The following FRAS1 variants were observed in gnomAD, a reference collection of about 807,000 sequenced individuals.
FRAS1 encodes the protein extracellular matrix organizing protein FRAS1.
FRAS1 carries 290 observed loss-of-function variants against 435.2 expected under a neutral mutation model. That is an observed-to-expected ratio of 0.67 (90% confidence interval 0.61 to 0.73). The LOEUF (loss-of-function observed/expected upper bound fraction) is 0.73, where lower values mean the gene tolerates loss of function less well. FRAS1 is among the 30% of genes least tolerant of loss of function. FRAS1 has a pLI of 0.00. For synonymous variants in FRAS1, 1,800 were observed against 1,851.0 expected, an observed-to-expected ratio of 0.97 and a Z score of 0.71; for missense variants, 4,860 against 5,001.5, an observed-to-expected ratio of 0.97 and a Z score of 0.85.
chr4:78,414,134 C>T (rs1052963831), intron 32 of FRAS1, among the ~76,000 whole-genome samples: 13 of 152,300 alleles, frequency 8.5e-5, no homozygotes, highest in Admixed American at 6.5e-4. Context: ...TAGCTGGTAT[C>T]GGCATTTCCA....
At chr4:78,439,462 C>T (rs1357892216) in intron 40 of FRAS1, among the ~76,000 whole-genome samples, 2 of 152,142 alleles carry the variant, frequency 1.3e-5, no homozygotes, top group Admixed American at 6.5e-5. Flanking sequence ...ACAATATTGA[C>T]GGTTCCTTTG....
chr4:78,309,539 C>T (rs990665366), intron 15 of FRAS1, among the ~76,000 whole-genome samples: 1 of 152,200 alleles, frequency 6.6e-6, no homozygotes, highest in Non-Finnish European at 1.5e-5. Context: ...TGCTTAAGGT[C>T]ACACAGCTAA....
chr4:78,466,831 C>A (rs1331640796), intron 50 of FRAS1, among the ~76,000 whole-genome samples: 6 of 152,048 alleles, frequency 3.9e-5, no homozygotes, highest in Non-Finnish European at 8.8e-5. Flanking sequence ...TCTTTTTGGA[C>A]TAGGTCCCCT....
At chr4:78,445,270 T>A (rs892115746) in intron 41 of FRAS1, among the ~76,000 whole-genome samples, 1 of 152,158 alleles carries the variant, frequency 6.6e-6, no homozygotes, top group Non-Finnish European at 1.5e-5. Flanking sequence ...TTTTTTTGCA[T>A]ATTATCTCAT....
intron 45 of FRAS1, 113 bp from the exon 46 acceptor site, chr4:78,451,659 G>A (rs1473205683): frequency 5.5e-6 from 4 of 728,146 alleles, no homozygotes; most frequent in Non-Finnish European, 8.3e-6. Flanking sequence ...TCAAAGCGAG[G>A]AAGGTGTGAA....
chr4:78,302,432 C>A (rs555736878), intron 14 of FRAS1, among the ~76,000 whole-genome samples: 4 of 151,926 alleles, frequency 2.6e-5, no homozygotes, highest in Non-Finnish European at 4.4e-5. Flanking sequence ...AATCGCCACA[C>A]TGACTTCCAC....
At chr4:78,315,390 T>C (rs1357922871) in intron 15 of FRAS1, among the ~76,000 whole-genome samples, 1 of 152,210 alleles carries the variant, frequency 6.6e-6, no homozygotes, top group African/African-American at 2.4e-5. Flanking sequence ...GTTCAATGAG[T>C]AATTCTTCAA....
chr4:78,310,122 G>A (rs1462133459), intron 15 of FRAS1, among the ~76,000 whole-genome samples: 1 of 152,188 alleles, frequency 6.6e-6, no homozygotes, highest in African/African-American at 2.4e-5. Flanking sequence ...TGTGGATTCA[G>A]GAGAGAATAA....
intron 2 of FRAS1, among the ~76,000 whole-genome samples, chr4:78,077,831 C>G (rs1740719002): frequency 6.6e-6 from 1 of 150,968 alleles, no homozygotes; most frequent in Non-Finnish European, 1.5e-5. Context: ...GAAGAACTTT[C>G]TTTTTTGTTT....
intron 2 of FRAS1, among the ~76,000 whole-genome samples, chr4:78,219,995 C>A (rs1723982675): frequency 1.3e-5 from 2 of 152,136 alleles, no homozygotes; most frequent in African/African-American, 4.8e-5. Context: ...AGCTCAAGGA[C>A]AGGAACAGGA....
chr4:78,243,911 G>C (rs1725118947), intron 3 of FRAS1, among the ~76,000 whole-genome samples: 1 of 152,042 alleles, frequency 6.6e-6, no homozygotes, highest in South Asian at 2.1e-4. Flanking sequence ...GAAATTCTTA[G>C]TGGAAATTAG....
intron 2 of FRAS1, among the ~76,000 whole-genome samples, chr4:78,127,898 C>T (rs994032900): frequency 7.9e-6 from 1 of 125,980 alleles, no homozygotes; most frequent in Non-Finnish European, 1.7e-5. Context: ...GCTATCCCTT[C>T]CCCCTCCCCC....
chr4:78,271,473 A>T (rs1015160709), intron 9 of FRAS1, among the ~76,000 whole-genome samples: 12 of 151,356 alleles, frequency 7.9e-5, no homozygotes, highest in Non-Finnish European at 1.6e-4. Flanking sequence ...CCTACCCCCA[A>T]CCCACAACAG....
At chr4:78,339,121 A>AACTGTCTT (rs1730301924) in intron 20 of FRAS1, among the ~76,000 whole-genome samples, 4 of 152,224 alleles carry the variant, frequency 2.6e-5, no homozygotes, top group African/African-American at 4.8e-5. Context: ...AGTCGTAGTC[A>AACTGTCTT]GGACTGTCTT....
At chr4:78,220,245 C>T (rs953571164) in intron 2 of FRAS1, among the ~76,000 whole-genome samples, 3 of 152,116 alleles carry the variant, frequency 2.0e-5, no homozygotes, top group African/African-American at 7.2e-5. Flanking sequence ...AGCTTGTGGG[C>T]CAAATTCAGT....
At chr4:78,068,447 A>G in intron 2 of FRAS1, 1 of 451,680 alleles carries the variant, frequency 2.2e-6, no homozygotes. Flanking sequence ...AAGAGCTCCT[A>G]TGGGCATTTG....
At chr4:78,283,803 A>G (rs1038958678) in intron 12 of FRAS1, among the ~76,000 whole-genome samples, 1 of 152,176 alleles carries the variant, frequency 6.6e-6, no homozygotes, top group South Asian at 2.1e-4. Flanking sequence ...AACATTTAGC[A>G]TATTATTATG....
At position 78,315,582 on chromosome 4, in the gene FRAS1, G is replaced by A; in HGVS notation, c.1679-12G>A. 1 of 1,589,008 alleles carries A rather than the reference G, an allele frequency of 6.3e-7. No homozygotes were observed. Among genetic ancestry groups the A allele is most frequent in the Non-Finnish European group, 8.6e-7 (1 of 1,168,014 alleles). On this transcript the variant is annotated splice_polypyrimidine_tract_variant and intron_variant, in intron 15 of 73. Transcript: ENST00000512123. ...ATTGCCTTTCTCTGATGGGTTTTTT[G>A]CCTCCCCTTAGCTTGTGACCAATCC...
At chr4:78,115,261 G>C (rs1295532326) in intron 2 of FRAS1, among the ~76,000 whole-genome samples, 1 of 152,158 alleles carries the variant, frequency 6.6e-6, no homozygotes, top group East Asian at 1.9e-4. Context: ...TTGCATCCAT[G>C]TTCATCACGG....
Sources: gnomAD v4.1 joint callset for allele counts (sites outside exome capture counted in the v4.1 genomes callset) on GRCh38, gnomAD v4.1.1 for gene constraint, MANE v1.5 for transcripts, NCBI Gene and HGNC (gene_info 2026-07-23, HGNC 2026-07-21) for gene names.